PCDHA9: variants seen among roughly 807,000 people sequenced by gnomAD.
The protein encoded by PCDHA9 is protocadherin alpha-9.
In PCDHA9, 62 loss-of-function variants were observed where a neutral mutation model predicts 62.0. The observed-to-expected ratio is 1.00, with a 90% CI of 0.81 to 1.23. The LOEUF is 1.23. Among genes scored for constraint, PCDHA9 ranks in the 50% most tolerant of loss-of-function variants. The pLI is 0.00. For synonymous variants in PCDHA9, 557 were observed against 567.6 expected (o/e 0.98, Z 0.27); for missense variants, 1,205 against 1,249.8 (o/e 0.96, Z 0.54).
At chr5:140,853,468 T>C in intron 1 of PCDHA9, 2 of 970,862 alleles carry the variant, frequency 2.1e-6, no homozygotes, top group African/African-American at 1.8e-5. Context: ...TATGCATCTG[T>C]AGTTAACATT....
rs190126464 is a variant in PCDHA9 at position 140,851,666 on chromosome 5, T to C, written c.2394+777T>C. On this transcript the variant is annotated intron_variant, in intron 1 of 3. Coordinates refer to ENST00000532602, the MANE Select transcript of PCDHA9 (RefSeq NM_031857.2). The stretch of plus-strand genomic sequence containing the variant: ...CTTCAAGAAGACATTCTCCTTTTAA[T>C]TGAAATTTTCTCCATTCAGTGATAA... 22 of 916,122 alleles carry C rather than the reference T, an allele frequency of 2.4e-5. 1 individual carries two copies. The East Asian group carries it at 1.7e-3, about 72-fold the overall frequency. 56.7% of individuals were successfully genotyped at this position (916,122 alleles called of 1,614,324 possible).
At chr5:140,980,948 G>C (rs72802987) in intron 2 of PCDHA9, among the ~76,000 whole-genome samples, 1 of 152,206 alleles carries the variant, frequency 6.6e-6, no homozygotes, top group Non-Finnish European at 1.5e-5. Flanking sequence ...CTGGCTCCAG[G>C]ATAGTTACAC....
At chr5:140,933,692 C>T (rs2089349269) in intron 1 of PCDHA9, among the ~76,000 whole-genome samples, 1 of 151,798 alleles carries the variant, frequency 6.6e-6, no homozygotes, top group African/African-American at 2.4e-5. Context: ...TTTCCTATTC[C>T]TCGGACACAT....
chr5:140,992,390 C>T (rs1007853972), intron 3 of PCDHA9, among the ~76,000 whole-genome samples: 1 of 152,082 alleles, frequency 6.6e-6, no homozygotes, highest in Admixed American at 6.6e-5. Context: ...GTGTTCTGGA[C>T]TTAGAGATAT....
chr5:140,941,199 C>CTT (rs879983584), intron 1 of PCDHA9, among the ~76,000 whole-genome samples: 22 of 115,972 alleles, frequency 1.9e-4, no homozygotes, highest in African/African-American at 6.6e-4. Context: ...TTTTTTCTTT[C>CTT]TTCCTTTCTT....
intron 1 of PCDHA9, among the ~76,000 whole-genome samples, chr5:140,949,557 T>C (rs955949496): frequency 6.6e-6 from 1 of 151,888 alleles, no homozygotes; most frequent in Non-Finnish European, 1.5e-5. Flanking sequence ...CTGGTCATAC[T>C]TTTTTTCTTG....
chr5:140,855,356 T>C (rs892931539), intron 1 of PCDHA9, among the ~76,000 whole-genome samples: 1 of 149,998 alleles, frequency 6.7e-6, no homozygotes, highest in African/African-American at 2.4e-5. Context: ...GTCATGTGGC[T>C]AGTGAGTAGG....
intron 1 of PCDHA9, among the ~76,000 whole-genome samples, chr5:140,961,765 T>C (rs2095634679): frequency 6.6e-6 from 1 of 152,244 alleles, no homozygotes; most frequent in African/African-American, 2.4e-5. Flanking sequence ...AAGGAATTTA[T>C]ATCAAGCTTA....
chr5:140,853,510 A>C (rs2042773943), intron 1 of PCDHA9: 2 of 977,306 alleles, frequency 2.0e-6, no homozygotes, highest in African/African-American at 1.8e-5. Context: ...TGAAACAATA[A>C]TGAAGCTCCT....
intron 1 of PCDHA9, chr5:140,877,685 C>A (rs377753884): frequency 1.2e-6 from 2 of 1,613,628 alleles, no homozygotes; most frequent in Non-Finnish European, 1.7e-6. Context: ...GGCAAGCCCA[C>A]GCTGGTGTGC....
chr5:140,997,132 C>A (rs1189394609), intron 3 of PCDHA9, among the ~76,000 whole-genome samples: 1 of 152,076 alleles, frequency 6.6e-6, no homozygotes, highest in Non-Finnish European at 1.5e-5. Flanking sequence ...CACAATGCCC[C>A]CACACCCCCG....
At chr5:140,970,139 A>G (rs1433151291) in intron 1 of PCDHA9, among the ~76,000 whole-genome samples, 3 of 152,124 alleles carry the variant, frequency 2.0e-5, no homozygotes, top group Non-Finnish European at 4.4e-5. Flanking sequence ...AGAAGGGAAA[A>G]AGAATTCTCC....
Position 140,871,315 on chromosome 5 carries a change from CT to C in PCDHA9, c.2394+20427del, listed in dbSNP as rs1352668242. On this transcript the variant is annotated intron_variant, in intron 1 of 3. Transcript: ENST00000532602. ...CGCGTGCGCGCCGGGGAAGCCCACGCTGGTGTGCTCCCGCGCGGTGGGGAGC... is the reference window on the plus strand; with the variant it reads ...CGCGTGCGCGCCGGGGAAGCCCACGCGGTGTGCTCCCGCGCGGTGGGGAGC... The C allele has an allele frequency of 8.1e-6, 13 of 1,613,928 alleles. No homozygotes were observed. In the Admixed American group the frequency reaches 2.0e-4, roughly 25 times the overall value.
intron 2 of PCDHA9, among the ~76,000 whole-genome samples, chr5:140,980,920 A>T (rs1040099192): frequency 1.3e-5 from 2 of 152,166 alleles, no homozygotes; most frequent in African/African-American, 4.8e-5. Context: ...TCTTTAAAAA[A>T]TTCTGCTTTG....
intron 1 of PCDHA9, among the ~76,000 whole-genome samples, chr5:140,924,901 A>AAAT (rs1554202313): frequency 5.5e-4 from 44 of 80,500 alleles, no homozygotes; most frequent in Non-Finnish European, 9.1e-4. Flanking sequence ...TCTCAAAAAA[A>AAAT]AAAATAAAAT....
intron 1 of PCDHA9, chr5:140,871,073 C>A: frequency 1.2e-6 from 2 of 1,613,208 alleles, no homozygotes; most frequent in Non-Finnish European, 8.5e-7. Context: ...GGTGAGCCGG[C>A]GCTGACGGCC....
intron 1 of PCDHA9, among the ~76,000 whole-genome samples, chr5:140,901,222 C>A (rs1336015424): frequency 6.6e-6 from 1 of 151,984 alleles, no homozygotes; most frequent in Admixed American, 6.6e-5. Context: ...TGATGTGATC[C>A]CATATATCCA....
intron 1 of PCDHA9, chr5:140,882,334 A>G: frequency 1.2e-6 from 2 of 1,614,176 alleles, no homozygotes; most frequent in Non-Finnish European, 1.7e-6. Flanking sequence ...TGATCCTCGC[A>G]GCCTGGGAGA....
chr5:140,924,901 A>AAAAAAT (rs369245222), intron 1 of PCDHA9, among the ~76,000 whole-genome samples: 13 of 80,502 alleles, frequency 1.6e-4, no homozygotes, highest in East Asian at 1.6e-3. Flanking sequence ...TCTCAAAAAA[A>AAAAAAT]AAAATAAAAT....
Sources: allele counts gnomAD v4.1 joint callset (sites outside exome capture counted in the v4.1 genomes callset), GRCh38; gene constraint gnomAD v4.1.1; transcripts MANE v1.5; gene names NCBI Gene and HGNC (gene_info 2026-07-23, HGNC 2026-07-21).